XKR4: variants seen among roughly 807,000 people sequenced by gnomAD.
XKR4 encodes the protein XK related 4, also known as XK-related protein 4.
XKR4 carries 12 observed loss-of-function variants against 53.9 expected under a neutral mutation model. The observed-to-expected ratio is 0.22, with a 90% CI of 0.14 to 0.36. The LOEUF is 0.36. Among genes scored for constraint, XKR4 ranks in the 10% least tolerant of loss-of-function variants. The pLI is 1.00. For synonymous variants in XKR4, 354 were observed against 362.4 expected, an observed-to-expected ratio of 0.98 and a Z score of 0.26; for missense variants, 799 against 859.5, an observed-to-expected ratio of 0.93 and a Z score of 0.88.
chr8:55,394,735 C>G (rs1052353255), intron 2 of XKR4, among the ~76,000 whole-genome samples: 1 of 152,170 alleles, frequency 6.6e-6, no homozygotes, highest in Non-Finnish European at 1.5e-5. Flanking sequence ...CTAGGAGGAG[C>G]TACCATGACA....
At chr8:55,292,185 C>G (rs1400587282) in intron 1 of XKR4, among the ~76,000 whole-genome samples, 1 of 152,046 alleles carries the variant, frequency 6.6e-6, no homozygotes, top group Non-Finnish European at 1.5e-5. Context: ...GTAATACTAG[C>G]TTTATAAAAT....
intron 2 of XKR4, among the ~76,000 whole-genome samples, chr8:55,379,128 G>A (rs1299960551): frequency 6.6e-6 from 1 of 152,132 alleles, no homozygotes; most frequent in East Asian, 1.9e-4. Flanking sequence ...CAGTGATAGG[G>A]CTTACAGTCT....
At position 55,152,714 on chromosome 8, in the gene XKR4, GA is replaced by G. The variant is rs555219557; in HGVS notation, c.806+49427del. Among the ~76,000 whole-genome samples the G allele has an allele frequency of 1.8e-4, 28 of 152,176 alleles. No individual in the cohort carries two copies. The East Asian group carries it at 5.2e-3, about 28-fold the overall frequency. Reference sequence around the variant, plus strand: ...AAGATAACTGATTAAAAAGTAGAGGGAAAAAAATCAACTGATTTGTTTTGCT... The same window carrying G: ...AAGATAACTGATTAAAAAGTAGAGGGAAAAAATCAACTGATTTGTTTTGCT... On this transcript the variant is annotated intron_variant, in intron 1 of 2. Transcript: ENST00000327381.
At chr8:55,203,638 T>C (rs1817605172) in intron 1 of XKR4, among the ~76,000 whole-genome samples, 1 of 152,108 alleles carries the variant, frequency 6.6e-6, no homozygotes, top group Non-Finnish European at 1.5e-5. Flanking sequence ...TAGAACCACC[T>C]GGGGAACCTG....
intron 2 of XKR4, among the ~76,000 whole-genome samples, chr8:55,479,613 T>C (rs1345829889): frequency 6.6e-6 from 1 of 152,064 alleles, no homozygotes. Context: ...ATCCAGGAGA[T>C]TGTTTTTTGA....
intron 1 of XKR4, 138 bp downstream of exon 1, chr8:55,103,432 G>T: frequency 7.0e-7 from 1 of 1,421,190 alleles, no homozygotes. Context: ...GGTTTCTTTT[G>T]AACTGGGGCT....
intron 2 of XKR4, among the ~76,000 whole-genome samples, chr8:55,384,939 ACT>A (rs766131834): frequency 1.3e-5 from 2 of 152,014 alleles, no homozygotes; most frequent in Non-Finnish European, 2.9e-5. Flanking sequence ...TACAGCAGGG[ACT>A]CCTCTTTGAG....
At chr8:55,113,736 AC>A (rs1392431710) in intron 1 of XKR4, among the ~76,000 whole-genome samples, 2 of 151,830 alleles carry the variant, frequency 1.3e-5, no homozygotes, top group South Asian at 4.2e-4. Context: ...CCACCCTCCC[AC>A]CTTTTGGAGT....
rs556746465 is a variant in XKR4 at position 55,314,803 on chromosome 8, T to C, written c.807-42875T>C. On this transcript the variant is annotated intron_variant, in intron 1 of 2. Coordinates refer to ENST00000327381, the MANE Select transcript of XKR4 (RefSeq NM_052898.2). The stretch of plus-strand genomic sequence containing the variant: ...CATTTCACACTCTGAACCTCAATTT[T>C]CCCATCCGCAAAATGGTGAGGATAA... Among the ~76,000 whole-genome samples, 4 of 152,228 alleles carry C rather than the reference T, an allele frequency of 2.6e-5. No individual in the cohort carries two copies. In the South Asian group the frequency reaches 8.3e-4, roughly 32 times the overall value.
intron 2 of XKR4, among the ~76,000 whole-genome samples, chr8:55,401,926 T>C (rs1563341464): frequency 6.6e-6 from 1 of 152,214 alleles, no homozygotes; most frequent in Non-Finnish European, 1.5e-5. Flanking sequence ...TAAATTAGCA[T>C]TACATGTTAA....
chr8:55,178,214 A>G (rs1373951357), intron 1 of XKR4, among the ~76,000 whole-genome samples: 1 of 152,248 alleles, frequency 6.6e-6, no homozygotes, highest in Non-Finnish European at 1.5e-5. Flanking sequence ...ACTTAATTGT[A>G]GAAGTGGACA....
At chr8:55,345,230 G>T (rs1015631197) in intron 1 of XKR4, among the ~76,000 whole-genome samples, 4 of 151,884 alleles carry the variant, frequency 2.6e-5, no homozygotes, top group Admixed American at 2.0e-4. Flanking sequence ...GGAGGCAGAG[G>T]TTGCAGTGAG....
rs764503295 is a variant in XKR4 at position 55,240,911 on chromosome 8, T to C, written c.807-116767T>C. ...ATTTCCAGTGTTATACTCTGGTTTG[T>C]AGGAAAGGTAAGGTATTCTGGAAAC... is the stretch of plus-strand genomic sequence containing the variant. On this transcript the variant is annotated intron_variant, in intron 1 of 2. Coordinates refer to ENST00000327381, the MANE Select transcript of XKR4 (RefSeq NM_052898.2). Among the ~76,000 whole-genome samples the C allele has an allele frequency of 2.0e-4, 31 of 152,170 alleles. 1 individual carries two copies. The highest frequency in any genetic ancestry group is 7.3e-5 in the Non-Finnish European group (5 of 68,028).
intron 2 of XKR4, among the ~76,000 whole-genome samples, chr8:55,382,649 G>A (rs951254): frequency 0.13 from 19,350 of 152,122 alleles, 2,867 homozygotes; most frequent in African/African-American, 0.36. Context: ...GGGGAAATTC[G>A]TCTGTTAAAA....
chr8:55,356,591 A>ATTAT (rs1482470655), intron 1 of XKR4, among the ~76,000 whole-genome samples: 1 of 50,604 alleles, frequency 2.0e-5, no homozygotes, highest in Admixed American at 1.7e-4. Flanking sequence ...TTAAGAAATT[A>ATTAT]CTATATTTGT....
chr8:55,454,553 G>T (rs1188916646), intron 2 of XKR4: 5 of 1,431,590 alleles, frequency 3.5e-6, no homozygotes, highest in Non-Finnish European at 4.8e-6. Context: ...CTGCTGATGG[G>T]CAGGGAGTCG....
intron 1 of XKR4, among the ~76,000 whole-genome samples, chr8:55,327,799 C>A (rs965671319): frequency 2.0e-5 from 3 of 152,148 alleles, no homozygotes; most frequent in Non-Finnish European, 4.4e-5. Flanking sequence ...ATAGCTTTGA[C>A]TTTTGTGACA....
At chr8:55,198,087 T>C (rs1490019591) in intron 1 of XKR4, among the ~76,000 whole-genome samples, 1 of 152,232 alleles carries the variant, frequency 6.6e-6, no homozygotes, top group East Asian at 1.9e-4. Flanking sequence ...CTGTTCTTCA[T>C]GAAGCGCAGG....
chr8:55,212,115 GA>G (rs752591849), intron 1 of XKR4, among the ~76,000 whole-genome samples: 1,384 of 133,248 alleles, frequency 0.01, 22 homozygotes, highest in African/African-American at 0.03. Context: ...GTGTCTGGGT[GA>G]AAAAAAAAAA....
Sources: gnomAD v4.1 joint callset for allele counts (sites outside exome capture counted in the v4.1 genomes callset) on GRCh38, gnomAD v4.1.1 for gene constraint, MANE v1.5 for transcripts, NCBI Gene and HGNC (gene_info 2026-07-23, HGNC 2026-07-21) for gene names.